Variants in CFAP46 observed in about 807,000 individuals in gnomAD.
CFAP46 encodes the protein cilia- and flagella-associated protein 46.
A neutral mutation model predicts 325.7 loss-of-function variants in CFAP46; 245 were observed. That is an observed-to-expected ratio of 0.75 (90% CI 0.68 to 0.84). The LOEUF (loss-of-function observed/expected upper bound fraction) is 0.84. CFAP46 is among the 40% of genes least tolerant of loss of function. The pLI is 0.00. For missense variants in CFAP46, 3,346 were observed against 3,543.0 expected (o/e 0.94, Z 1.41); for synonymous variants, 1,523 against 1,495.9 (o/e 1.02, Z -0.42).
At chr10:132,815,046 G>A (rs879263914) in intron 50 of CFAP46, 132 bp from the exon 51 acceptor site, 23 of 847,230 alleles carry the variant, frequency 2.7e-5, no homozygotes, top group Admixed American at 1.6e-4. Flanking sequence ...GAGAACAAGC[G>A]GTTTTAATTT....
intron 22 of CFAP46, among the ~76,000 whole-genome samples, chr10:132,904,273 C>T (rs929148956): frequency 6.6e-6 from 1 of 152,250 alleles, no homozygotes; most frequent in Admixed American, 6.5e-5. Flanking sequence ...ACCACATCAT[C>T]TCCTGCTGAG....
At position 132,879,640 on chromosome 10, in the gene CFAP46, C is replaced by T. The variant is rs1176218789; in HGVS notation, c.3800-9G>A. 1.8e-5 allele frequency: 27 copies of T among 1,501,772 alleles called. No homozygotes were observed. The highest frequency in any genetic ancestry group is 8.8e-5 in the Admixed American group (4 of 45,512). The allele number at this position is 1,501,772 out of a possible 1,614,324, so 93.0% of individuals were successfully genotyped here. A position where few individuals can be genotyped will look rare whatever the true frequency, so the allele number is the denominator to read the frequency against. On this transcript the variant is annotated splice_polypyrimidine_tract_variant and intron_variant, in intron 28 of 57. Coordinates refer to ENST00000368586, the MANE Select transcript of CFAP46 (RefSeq NM_001200049.3). ...CACAGCCACGTACTCCCCTGAAACA[C>T]GGGGTGCCCGAGGCTGAGAGCAGGC...
intron 44 of CFAP46, among the ~76,000 whole-genome samples, chr10:132,842,810 G>A (rs1015051104): frequency 2.6e-5 from 4 of 152,264 alleles, no homozygotes; most frequent in East Asian, 1.9e-4. Flanking sequence ...AATGACACAC[G>A]GTGAGGGGGC....
chr10:132,808,840 G>C lies in CFAP46; in HGVS notation c.7729C>G (p.His2577Asp), dbSNP rs1847519801. The C allele has an allele frequency of 6.2e-7, 1 of 1,604,558 alleles. No individual in the cohort carries two copies. The highest frequency in any genetic ancestry group is 8.5e-7 in the Non-Finnish European group (1 of 1,173,460). Reference protein sequence around the residue: ...AAPKLRAPSHHAQLGPVWAAA... With the variant: ...AAPKLRAPSHDAQLGPVWAAA... ...GCCCATACAGGACCAAGTTGAGCGT[G>C]GTGGGAAGGAGCTCGGAGCTTTGGA... is the stretch of plus-strand genomic sequence containing the variant. The change falls in exon 58 of 58, where the codon CAC becomes GAC. Residue 2577 changes from histidine (H) to aspartate (D), a missense_variant. Physicochemically the swap from His to Asp is moderately conservative, Grantham distance 81 (BLOSUM62 -1). Transcript: ENST00000368586. The surrounding 1 kb of genome is among the most constrained non-coding windows in gnomAD (Gnocchi z 6.8).
At position 132,937,014 on chromosome 10, in the gene CFAP46, T is replaced by G. The variant is rs878984659; in HGVS notation, c.702A>C (p.Glu234Asp). The change falls in exon 7 of 58, where the codon GAA (glutamate) becomes GAC (aspartate). Residue 234 changes from glutamate (E) to aspartate (D), a missense_variant. Physicochemically the swap from Glu to Asp is conservative, Grantham distance 45 (BLOSUM62 2). Transcript: ENST00000368586. The stretch of plus-strand genomic sequence containing the variant: ...CTGACAGGCTAATGGAATTTTTCTT[T>G]TCTTCCTTTAACTGAAGTTCGTCCA... The part of the protein sequence containing the change: ...ELMDELQLKE[E>D]KKNSISLSVT... 1.3e-6 allele frequency: 2 copies of G among 1,538,786 alleles called. No homozygotes were observed.
In CFAP46 at chr10:132,919,269, G is replaced by A; in HGVS notation, c.1858+46C>T. ...CCACAACCCTTCCCACACCCAGAGG[G>A]CGGCCGTGGCCAGGCTGGGACACAC... is the stretch of plus-strand genomic sequence containing the variant. On this transcript the variant is annotated intron_variant, in intron 15 of 57. Transcript: ENST00000368586. This position sits in a 1 kb window ranked among gnomAD's most constrained non-coding sequence, Gnocchi z 9.7. The A allele has an allele frequency of 6.6e-7, 1 of 1,522,056 alleles. No individual in the cohort carries two copies. Among genetic ancestry groups the A allele is most frequent in the Non-Finnish European group, 8.8e-7 (1 of 1,130,662 alleles). 94.3% of individuals were successfully genotyped at this position (1,522,056 alleles called of 1,614,324 possible).
chr10:132,908,435 G>T, intron 22 of CFAP46, 33 bp downstream of exon 22: 1 of 1,549,644 alleles, frequency 6.5e-7, no homozygotes, highest in Non-Finnish European at 8.7e-7. Flanking sequence ...TGCCCGTTTT[G>T]AGGGAATTTG....
chr10:132,834,505 T>G, intron 48 of CFAP46, 149 bp downstream of exon 48: 1 of 1,134,702 alleles, frequency 8.8e-7, no homozygotes. Flanking sequence ...ACCAGAAGAA[T>G]TGCTTCCTGG....
chr10:132,839,993 T>G (rs1848323834), intron 44 of CFAP46, among the ~76,000 whole-genome samples: 1 of 152,226 alleles, frequency 6.6e-6, no homozygotes, highest in South Asian at 2.1e-4. Context: ...GGCCTCTTAG[T>G]AAAAGAGGAA....
At chr10:132,866,649 C>T (rs1034581116) in intron 34 of CFAP46, among the ~76,000 whole-genome samples, 3 of 152,200 alleles carry the variant, frequency 2.0e-5, no homozygotes, top group Admixed American at 1.3e-4. Flanking sequence ...AGCCTCTCCT[C>T]GCTAAGCAGA....
At chr10:132,931,170 G>C (rs1389764690) in intron 8 of CFAP46, among the ~76,000 whole-genome samples, 4 of 83,934 alleles carry the variant, frequency 4.8e-5, no homozygotes, top group Non-Finnish European at 6.9e-5. Context: ...TCGCCACACA[G>C]AGCCTGGGCC....
At chr10:132,935,716 T>A (rs1296506508) in intron 7 of CFAP46, among the ~76,000 whole-genome samples, 1 of 110,078 alleles carries the variant, frequency 9.1e-6, no homozygotes. Context: ...ATCTCCTCAC[T>A]CCCCTCGGCA....
chr10:132,901,239 A>G (rs1591080847), intron 22 of CFAP46, among the ~76,000 whole-genome samples: 1 of 152,154 alleles, frequency 6.6e-6, no homozygotes, highest in African/African-American at 2.4e-5. Context: ...CTGTGAGATA[A>G]ACTGCATTTT....
chr10:132,816,984 G>A (rs1224628385), intron 50 of CFAP46, among the ~76,000 whole-genome samples: 2 of 152,130 alleles, frequency 1.3e-5, no homozygotes, highest in Admixed American at 6.5e-5. Context: ...ATTGCAAATC[G>A]CCACTTTTGA....
Position 132,877,063 on chromosome 10 carries a change from T to C in CFAP46, c.4213-102A>G. 1 of 1,240,978 alleles carries C rather than the reference T, an allele frequency of 8.1e-7. No individual in the cohort carries two copies. 76.9% of individuals were successfully genotyped at this position (1,240,978 alleles called of 1,614,324 possible). The stretch of plus-strand genomic sequence containing the variant: ...CTGTGCAGCATTCAGGCCACAGCCC[T>C]GGGCAGCCGGCATCCTCCCCACCAC... On this transcript the variant is annotated intron_variant, in intron 30 of 57. Coordinates refer to ENST00000368586, the MANE Select transcript of CFAP46 (RefSeq NM_001200049.3). The surrounding 1 kb of genome is among the most constrained non-coding windows in gnomAD (Gnocchi z 5.7).
At chr10:132,854,687 A>G (rs1462110310) in intron 39 of CFAP46, among the ~76,000 whole-genome samples, 1 of 151,982 alleles carries the variant, frequency 6.6e-6, no homozygotes, top group African/African-American at 2.4e-5. Flanking sequence ...CACAAAATTA[A>G]CCGTTTAAAA....
rs952630107 is a variant in CFAP46 at position 132,809,660 on chromosome 10, G to A, written c.7664+749C>T. On this transcript the variant is annotated intron_variant, in intron 57 of 57. Transcript: ENST00000368586. The stretch of plus-strand genomic sequence containing the variant: ...GCTGAGCGCCTCAACTCAGGGTCCC[G>A]GGAAGCTCCTCTGTGGCTCCTCCCC... Among the ~76,000 whole-genome samples the A allele has an allele frequency of 7.2e-5, 11 of 152,170 alleles. 1 individual carries two copies. The highest frequency in any genetic ancestry group is 4.1e-4 in the South Asian group (2 of 4,828).
rs914684758 is a variant in CFAP46 at position 132,908,555 on chromosome 10, G to A, written c.2837C>T (p.Ala946Val). The A allele has an allele frequency of 9.0e-6, 14 of 1,550,364 alleles. No homozygotes were observed. The highest frequency in any genetic ancestry group is 1.0e-5 in the Non-Finnish European group (12 of 1,146,970). The change falls in exon 22 of 58, where the codon GCC (alanine) becomes GTC (valine). Residue 946 changes from alanine to valine, a missense_variant. Physicochemically the swap from Ala to Val is moderately conservative, Grantham distance 64. Transcript: ENST00000368586. ...GGTCTCATGGTCACGCGCTGCATGG[G>A]CGAAGTGGGTCAGCCGCGTCAGGGT... ...LQTLTRLTHF[A>V]HAARDHETTM...
In CFAP46 at chr10:132,894,948, T is replaced by TAATGAG. The variant is rs1175670082; in HGVS notation, c.3220-2532_3220-2531insCTCATT. Among the ~76,000 whole-genome samples, 391 of 152,284 alleles carry TAATGAG rather than the reference T, an allele frequency of 2.6e-3. 2 individuals carry two copies. Among genetic ancestry groups the TAATGAG allele is most frequent in the African/African-American group, 9.0e-3 (375 of 41,552 alleles). The stretch of plus-strand genomic sequence containing the variant: ...TTAAAGAAAAAGAAACACTCCTGGG[T>TAATGAG]TCACCCTATGAGGCCAGCATTACTC... On this transcript the variant is annotated intron_variant, in intron 24 of 57. Coordinates refer to ENST00000368586, the MANE Select transcript of CFAP46 (RefSeq NM_001200049.3).
Sources: allele counts gnomAD v4.1 joint callset (sites outside exome capture counted in the v4.1 genomes callset), GRCh38; gene constraint gnomAD v4.1.1; non-coding constraint Gnocchi (gnomAD v3.1); transcripts MANE v1.5; gene names NCBI Gene and HGNC (gene_info 2026-07-23, HGNC 2026-07-21).